Variants in ITGB3 observed in about 807,000 individuals in gnomAD.
ITGB3 encodes integrin subunit beta 3.
ITGB3 carries 48 observed loss-of-function variants against 85.8 expected under a neutral mutation model. The observed-to-expected ratio is 0.56, with a 90% confidence interval of 0.44 to 0.71. ITGB3 has a LOEUF of 0.71. ITGB3 is among the 30% of genes least tolerant of loss of function. The pLI is 0.00. For missense variants in ITGB3, 861 were observed against 1,019.1 expected, an observed-to-expected ratio of 0.84 and a Z score of 2.11; for synonymous variants, 363 against 395.6, an observed-to-expected ratio of 0.92 and a Z score of 0.98.
In ITGB3 at chr17:47,283,385, T is replaced by G. The variant is rs36080296; in HGVS notation, c.197T>G (p.Leu66Arg). The G allele has an allele frequency of 2.4e-3, 3,812 of 1,614,230 alleles. 9 individuals are homozygous for G. The highest frequency in any genetic ancestry group is 2.8e-3 in the Non-Finnish European group (3,252 of 1,180,038). Residue 66 changes from leucine (L) to arginine (R), a missense_variant, in exon 3 of 15, where the codon CTG (leucine) becomes CGG (arginine). Leu to Arg is a moderately radical substitution (Grantham distance 102, BLOSUM62 -2). Transcript: ENST00000559488. ...CCTCTGGGCTCACCTCGCTGTGACCTGAAGGAGAATCTGCTGAAGGATAAC... is the reference window on the plus strand; with the variant it reads ...CCTCTGGGCTCACCTCGCTGTGACCGGAAGGAGAATCTGCTGAAGGATAAC... ...ALPLGSPRCD[L>R]KENLLKDNCA...
At chr17:47,300,432 G>A (rs566225860) in intron 11 of ITGB3, 46 bp from the exon 12 acceptor site, 1 of 1,423,300 alleles carries the variant, frequency 7.0e-7, no homozygotes, top group Admixed American at 1.7e-5. Context: ...GATACGCTTA[G>A]GCTTGCTCCT....
intron 12 of ITGB3, among the ~76,000 whole-genome samples, chr17:47,301,730 A>G (rs920473436): frequency 2.0e-5 from 3 of 152,200 alleles, no homozygotes; most frequent in African/African-American, 4.8e-5. Flanking sequence ...GTTATAAAGT[A>G]TCTTTCATAT....
intron 10 of ITGB3, among the ~76,000 whole-genome samples, chr17:47,297,980 C>A (rs1335593766): frequency 6.6e-6 from 1 of 151,798 alleles, no homozygotes. Context: ...AAAGTAGATA[C>A]ACATTCTCTT....
chr17:47,266,465 C>A (rs961724309), intron 1 of ITGB3, among the ~76,000 whole-genome samples: 1 of 152,204 alleles, frequency 6.6e-6, no homozygotes, highest in East Asian at 1.9e-4. Flanking sequence ...ATTTTTCCCA[C>A]CCTTTGTCTC....
In ITGB3 at chr17:47,254,694, ACCGTC is replaced by A. The variant is rs560185234; in HGVS notation, c.79+755_79+759del. Among the ~76,000 whole-genome samples, 412 of 152,134 alleles carry A rather than the reference ACCGTC, an allele frequency of 2.7e-3. 3 individuals carry two copies. Among genetic ancestry groups the A allele is most frequent in the African/African-American group, 9.5e-3 (394 of 41,534 alleles). On this transcript the variant is annotated intron_variant, in intron 1 of 14. Transcript: ENST00000559488. ...GGCTTTGTCTCTGGCTGCTGCGCAC[ACCGTC>A]AGCCGTCAGGGCAATTGGCATTCGG...
Position 47,286,259 on chromosome 17 carries a change from G to C in ITGB3, c.615-1G>C, listed in dbSNP as rs1373910050. The C allele has an allele frequency of 1.2e-6, 2 of 1,614,042 alleles. No homozygotes were observed. The highest frequency in any genetic ancestry group is 1.7e-6 in the Non-Finnish European group (2 of 1,180,026). On this transcript the variant is annotated splice_acceptor_variant, in intron 4 of 14. Coordinates refer to ENST00000559488, the MANE Select transcript of ITGB3 (RefSeq NM_000212.3). LOFTEE classifies it high-confidence loss of function. ...TTAAATTATCTCCCATCCCTCCCCAGTATGAAGACCACCTGCTTGCCCATG... is the reference window on the plus strand; with the variant it reads ...TTAAATTATCTCCCATCCCTCCCCACTATGAAGACCACCTGCTTGCCCATG...
At chr17:47,284,825 T>G in intron 4 of ITGB3, 130 bp downstream of exon 4, 1 of 1,276,700 alleles carries the variant, frequency 7.8e-7, no homozygotes, top group Non-Finnish European at 1.1e-6. Context: ...CTTTCTACCT[T>G]GGTCTCCCTG....
At chr17:47,266,758 T>G (rs2065027170) in intron 1 of ITGB3, among the ~76,000 whole-genome samples, 2 of 152,072 alleles carry the variant, frequency 1.3e-5, no homozygotes, top group African/African-American at 4.8e-5. Context: ...TTAAAAAAAT[T>G]TTCATAGAGA....
intron 7 of ITGB3, 59 bp from the exon 8 acceptor site, chr17:47,290,126 C>A: frequency 7.5e-7 from 1 of 1,333,752 alleles, no homozygotes; most frequent in Non-Finnish European, 1.1e-6. Flanking sequence ...TTGGGGAGGG[C>A]TTTTGGAGAC....
chr17:47,267,088 A>G (rs1209516046), intron 1 of ITGB3, among the ~76,000 whole-genome samples: 1 of 152,204 alleles, frequency 6.6e-6, no homozygotes, highest in Non-Finnish European at 1.5e-5. Flanking sequence ...AAAAACAACA[A>G]TAAAACCAAT....
In ITGB3 at chr17:47,299,971, C is replaced by T. The variant is rs533929653; in HGVS notation, c.1913+441C>T. ...CATGGCACTGCCATTCTGCTTACCACTTTAAGCAGGGCCAGATTTACGAGT... is the reference window on the plus strand; with the variant it reads ...CATGGCACTGCCATTCTGCTTACCATTTTAAGCAGGGCCAGATTTACGAGT... On this transcript the variant is annotated intron_variant, in intron 11 of 14. Coordinates refer to ENST00000559488, the MANE Select transcript of ITGB3 (RefSeq NM_000212.3). The surrounding 1 kb of genome is among the most constrained non-coding windows in gnomAD (Gnocchi z 5.1). 1.2e-4 allele frequency among the ~76,000 whole-genome samples: 19 copies of T among 152,362 alleles called. 1 individual carries two copies. The highest frequency in any genetic ancestry group is 4.6e-4 in the African/African-American group (19 of 41,580).
chr17:47,270,486 C>G (rs1424883830), intron 1 of ITGB3, among the ~76,000 whole-genome samples: 1 of 152,202 alleles, frequency 6.6e-6, no homozygotes, highest in Non-Finnish European at 1.5e-5. Context: ...GCAGCTCATG[C>G]AGGGAGAAGT....
At chr17:47,302,376 A>T (rs2065170426) in intron 12 of ITGB3, among the ~76,000 whole-genome samples, 1 of 152,188 alleles carries the variant, frequency 6.6e-6, no homozygotes, top group African/African-American at 2.4e-5. Flanking sequence ...TTCTTTTTAT[A>T]GATGAAGAAA....
chr17:47,254,456 T>C (rs188867090), intron 1 of ITGB3, among the ~76,000 whole-genome samples: 1 of 152,234 alleles, frequency 6.6e-6, no homozygotes. Flanking sequence ...CTCCAGAAGG[T>C]TTTTTCTTTT....
In ITGB3 at chr17:47,312,482, G is replaced by A. The variant is rs970700876; in HGVS notation, c.*2278G>A. Among the ~76,000 whole-genome samples the A allele has an allele frequency of 1.3e-5, 2 of 152,334 alleles. No individual in the cohort carries two copies. The highest frequency in any genetic ancestry group is 4.1e-4 in the South Asian group (2 of 4,834). Reference sequence around the variant, plus strand: ...GGAACAGGTGTGGAAGCTCATGCCTGTAATTATAACCTTCAGCTACTAAGA... The same window carrying A: ...GGAACAGGTGTGGAAGCTCATGCCTATAATTATAACCTTCAGCTACTAAGA... On this transcript the variant is annotated 3_prime_UTR_variant, in exon 15 of 15. Coordinates refer to ENST00000559488, the MANE Select transcript of ITGB3 (RefSeq NM_000212.3).
Position 47,313,571 on chromosome 17 carries a change from G to T in ITGB3, c.*3367G>T, listed in dbSNP as rs557832542. On this transcript the variant is annotated 3_prime_UTR_variant, in exon 15 of 15. Coordinates refer to ENST00000559488, the MANE Select transcript of ITGB3 (RefSeq NM_000212.3). ...TCACGGTGTTAGCCAGGAAGGTCTC[G>T]ATCTCCTGACCTCGTGATCCTCCCG... Among the ~76,000 whole-genome samples, 1 of 151,642 alleles carries T rather than the reference G, an allele frequency of 6.6e-6. No homozygotes were observed. Among genetic ancestry groups the T allele is most frequent in the East Asian group, 1.9e-4 (1 of 5,134 alleles).
At chr17:47,301,707 A>G (rs1317284342) in intron 12 of ITGB3, among the ~76,000 whole-genome samples, 2 of 152,170 alleles carry the variant, frequency 1.3e-5, no homozygotes, top group Non-Finnish European at 2.9e-5. Flanking sequence ...AGGGAATTTT[A>G]TAGCTTGTAA....
intron 1 of ITGB3, among the ~76,000 whole-genome samples, chr17:47,259,643 T>C (rs1195077701): frequency 6.6e-6 from 1 of 152,204 alleles, no homozygotes; most frequent in Non-Finnish European, 1.5e-5. Context: ...CTCATGCCTG[T>C]AATCCCAGCA....
intron 11 of ITGB3, 23 bp from the exon 12 acceptor site, chr17:47,300,455 T>A: frequency 6.3e-7 from 1 of 1,585,088 alleles, no homozygotes; most frequent in Non-Finnish European, 8.7e-7. Flanking sequence ...TTTGCCTTAA[T>A]CACTGTGTCC....
Sources: gnomAD v4.1 joint callset for allele counts (sites outside exome capture counted in the v4.1 genomes callset) on GRCh38, gnomAD v4.1.1 for gene constraint, Gnocchi (gnomAD v3.1) non-coding constraint, MANE v1.5 for transcripts, NCBI Gene and HGNC (gene_info 2026-07-23, HGNC 2026-07-21) for gene names.